The following GLRB variants were observed in gnomAD, a reference collection of about 807,000 sequenced individuals.
GLRB encodes glycine receptor subunit beta.
In GLRB, 33 loss-of-function variants were observed where a neutral mutation model predicts 54.2. The observed-to-expected ratio is 0.61, with a 90% CI of 0.46 to 0.81. GLRB has a LOEUF of 0.81. Among genes scored for constraint, GLRB ranks in the 40% least tolerant of loss-of-function variants. GLRB has a pLI of 0.00. For synonymous variants in GLRB, 209 were observed against 208.2 expected (o/e 1.00, Z -0.03); for missense variants, 572 against 584.6 (o/e 0.98, Z 0.22).
chr4:157,106,234 A>G (rs1401016366), intron 2 of GLRB, among the ~76,000 whole-genome samples: 4 of 151,544 alleles, frequency 2.6e-5, no homozygotes, highest in Non-Finnish European at 5.9e-5. Context: ...GCCTTTTGGG[A>G]TGTATGATAT....
At position 157,106,232 on chromosome 4, in the gene GLRB, G is replaced by A. The variant is rs188630233; in HGVS notation, c.123-14324G>A. ...GAATGTATTATCCCACTGCCTTTTG[G>A]GATGTATGATATTTTTTGCAGAAAA... On this transcript the variant is annotated intron_variant, in intron 2 of 9. Transcript: ENST00000264428. 6.2e-4 allele frequency among the ~76,000 whole-genome samples: 94 copies of A among 151,974 alleles called. 1 individual carries two copies. In the Middle Eastern group the frequency reaches 0.01, roughly 17 times the overall value.
chr4:157,113,448 G>T (rs558226519), intron 2 of GLRB, among the ~76,000 whole-genome samples: 1 of 151,824 alleles, frequency 6.6e-6, no homozygotes, highest in Non-Finnish European at 1.5e-5. Flanking sequence ...AGCAATATAC[G>T]GTATAAATAG....
chr4:157,158,407 G>C (rs768978543), intron 9 of GLRB, among the ~76,000 whole-genome samples: 1 of 152,048 alleles, frequency 6.6e-6, no homozygotes, highest in African/African-American at 2.4e-5. Flanking sequence ...GTCCTTGCTC[G>C]TGCCTATGTC....
At chr4:157,126,055 C>T (rs1020353501) in intron 4 of GLRB, among the ~76,000 whole-genome samples, 12 of 151,712 alleles carry the variant, frequency 7.9e-5, no homozygotes, top group Admixed American at 3.9e-4. Context: ...TGAATAGCCA[C>T]GAGTCAGGTG....
intron 8 of GLRB, among the ~76,000 whole-genome samples, chr4:157,150,783 C>T (rs1286375308): frequency 1.3e-5 from 2 of 151,988 alleles, no homozygotes. Context: ...TTTCCTTCTT[C>T]CTTGAATCAG....
chr4:157,109,128 C>T (rs1245306652), intron 2 of GLRB, among the ~76,000 whole-genome samples: 2 of 152,040 alleles, frequency 1.3e-5, no homozygotes, highest in Non-Finnish European at 2.9e-5. Context: ...GTATGACTAA[C>T]TTTATGGCAA....
intron 2 of GLRB, among the ~76,000 whole-genome samples, chr4:157,117,004 C>G (rs1465367386): frequency 6.6e-6 from 1 of 151,542 alleles, no homozygotes; most frequent in African/African-American, 2.4e-5. Flanking sequence ...AGATTTTTGT[C>G]AAACAATGTT....
intron 9 of GLRB, among the ~76,000 whole-genome samples, chr4:157,167,017 C>A (rs1737735186): frequency 1.3e-5 from 2 of 151,858 alleles, no homozygotes; most frequent in Admixed American, 6.6e-5. Flanking sequence ...ATACTAAAAC[C>A]ACACCTAAAA....
chr4:157,101,861 T>C (rs1390449027), intron 2 of GLRB, among the ~76,000 whole-genome samples: 1 of 150,402 alleles, frequency 6.6e-6, no homozygotes, highest in Non-Finnish European at 1.5e-5. Context: ...GTTAAAAAAC[T>C]AGATGTATTT....
At chr4:157,104,590 G>A (rs1427884077) in intron 2 of GLRB, among the ~76,000 whole-genome samples, 1 of 151,694 alleles carries the variant, frequency 6.6e-6, no homozygotes, top group Non-Finnish European at 1.5e-5. Flanking sequence ...CTTTGGAAGT[G>A]TTTCTTTCTC....
At chr4:157,162,183 A>C (rs1260847760) in intron 9 of GLRB, among the ~76,000 whole-genome samples, 1 of 152,200 alleles carries the variant, frequency 6.6e-6, no homozygotes, top group African/African-American at 2.4e-5. Flanking sequence ...CAGCTCCATC[A>C]GGTCATTTAA....
At chr4:157,125,666 G>A (rs1735991124) in intron 4 of GLRB, among the ~76,000 whole-genome samples, 2 of 151,860 alleles carry the variant, frequency 1.3e-5, no homozygotes, top group South Asian at 4.1e-4. Context: ...AGGCACAGTG[G>A]CTCATGTCTG....
intron 9 of GLRB, among the ~76,000 whole-genome samples, chr4:157,154,216 C>A (rs866930682): frequency 6.6e-6 from 1 of 152,062 alleles, no homozygotes; most frequent in Non-Finnish European, 1.5e-5. Flanking sequence ...TCCATTATTT[C>A]TATATCATTA....
intron 9 of GLRB, 108 bp from the exon 10 acceptor site, chr4:157,170,324 A>T (rs1737870467): frequency 1.5e-6 from 1 of 687,438 alleles, no homozygotes; most frequent in African/African-American, 1.8e-5. Context: ...TTTGTGACAT[A>T]AGCAAATGCT....
chr4:157,106,483 T>C (rs1560945527), intron 2 of GLRB, among the ~76,000 whole-genome samples: 1 of 152,122 alleles, frequency 6.6e-6, no homozygotes, highest in Non-Finnish European at 1.5e-5. Flanking sequence ...CAAGTTGGTG[T>C]ACTGAGTAGG....
In GLRB at chr4:157,096,190, G is replaced by T. The variant is rs116573464; in HGVS notation, c.122+18044G>T. Among the ~76,000 whole-genome samples, 5 of 152,160 alleles carry T rather than the reference G, an allele frequency of 3.3e-5. No homozygotes were observed. In the South Asian group the frequency reaches 1.0e-3, roughly 31 times the overall value. On this transcript the variant is annotated intron_variant, in intron 2 of 9. Transcript: ENST00000264428. ...AAAGCCAATCACACCCCCATTCCTC[G>T]GCAGGCTTCCCTGTCTGGGGAAGGC...
chr4:157,088,802 T>G (rs537860932), intron 2 of GLRB, among the ~76,000 whole-genome samples: 2 of 152,312 alleles, frequency 1.3e-5, no homozygotes, highest in African/African-American at 2.4e-5. Flanking sequence ...TTTGGCTCTT[T>G]TTTTCCTAAG....
intron 8 of GLRB, among the ~76,000 whole-genome samples, chr4:157,149,020 A>G (rs912329662): frequency 2.6e-5 from 4 of 151,998 alleles, no homozygotes; most frequent in Admixed American, 1.3e-4. Context: ...AATAATACTG[A>G]CTCAGACTAA....
intron 9 of GLRB, among the ~76,000 whole-genome samples, chr4:157,153,634 TG>T (rs559404041): frequency 1.3e-5 from 2 of 152,264 alleles, no homozygotes; most frequent in African/African-American, 4.8e-5. Context: ...CAATTAATTA[TG>T]GGTTTAAGAA....
Sources: gnomAD v4.1 joint callset for allele counts (sites outside exome capture counted in the v4.1 genomes callset) on GRCh38, gnomAD v4.1.1 for gene constraint, MANE v1.5 for transcripts, NCBI Gene and HGNC (gene_info 2026-07-23, HGNC 2026-07-21) for gene names.